The following TPR variants were observed in gnomAD, a reference collection of about 807,000 sequenced individuals.
TPR encodes translocated promoter region, nuclear basket protein.
TPR carries 51 observed loss-of-function variants against 316.1 expected under a neutral mutation model. The ratio of observed to expected loss-of-function variants is 0.16; its 90% CI spans 0.13 to 0.20. The LOEUF is 0.20. Among genes scored for constraint, TPR ranks in the 10% least tolerant of loss-of-function variants. The probability of loss-of-function intolerance (pLI) is 1.00; values close to 1 mark genes in which losing one functional copy is unlikely to be tolerated. For synonymous variants in TPR, 981 were observed against 914.7 expected (o/e 1.07, Z -1.31); for missense variants, 2,272 against 2,754.8 (o/e 0.82, Z 3.92).
chr1:186,364,911 TATG>T (rs1230833439), intron 4 of TPR, among the ~76,000 whole-genome samples: 9 of 152,088 alleles, frequency 5.9e-5, no homozygotes, highest in Non-Finnish European at 1.0e-4. Flanking sequence ...CAGTCAGGTT[TATG>T]ATAAGGACTG....
chr1:186,312,259 A>T lies in TPR; in HGVS notation c.*1712T>A, dbSNP rs1413833151. 3 of 1,613,936 alleles carry T rather than the reference A, an allele frequency of 1.9e-6. No homozygotes were observed. The African/African-American group carries it at 4.0e-5, about 22-fold the overall frequency. Reference sequence around the variant, plus strand: ...AGGCCTGCTCTAAATTATCCAGTGTATGGAGAAACGACACAGGTTAGGAGA... The same window carrying T: ...AGGCCTGCTCTAAATTATCCAGTGTTTGGAGAAACGACACAGGTTAGGAGA... On this transcript the variant is annotated 3_prime_UTR_variant, in exon 51 of 51. Transcript: ENST00000367478.
At chr1:186,326,566 T>A (rs1049587641) in intron 40 of TPR, among the ~76,000 whole-genome samples, 1 of 152,086 alleles carries the variant, frequency 6.6e-6, no homozygotes, top group Non-Finnish European at 1.5e-5. Flanking sequence ...AAAATTACAC[T>A]ATATCAGGAG....
In TPR at chr1:186,355,650, C is replaced by T; in HGVS notation, c.2007G>A (p.Lys669=). 14 of 1,614,102 alleles carry T rather than the reference C, an allele frequency of 8.7e-6. No individual in the cohort carries two copies. Among genetic ancestry groups the T allele is most frequent in the Non-Finnish European group, 1.2e-5 (14 of 1,180,006 alleles). The part of the protein sequence containing the change: ...VIESTEAIEA[K]AALKQLQEIF... ...TGATCTTTACCTGTTTAAGGGCAGCCTTAGCCTCTATAGCCTCTGTTGATT... is the reference window on the plus strand; with the variant it reads ...TGATCTTTACCTGTTTAAGGGCAGCTTTAGCCTCTATAGCCTCTGTTGATT... The change falls in exon 16 of 51, where the codon AAG becomes AAA. Residue 669 remains lysine, a synonymous_variant. Coordinates refer to ENST00000367478, the MANE Select transcript of TPR (RefSeq NM_003292.3).
Position 186,349,728 on chromosome 1 carries a change from G to A in TPR, c.2776+495C>T, listed in dbSNP as rs10911851. On this transcript the variant is annotated intron_variant, in intron 21 of 50. Coordinates refer to ENST00000367478, the MANE Select transcript of TPR (RefSeq NM_003292.3). Reference sequence around the variant, plus strand: ...AAGATTATCAAGACACAAAGGCTTCGAACTTGAAAGATGTATTTAAAAAGG... The same window carrying A: ...AAGATTATCAAGACACAAAGGCTTCAAACTTGAAAGATGTATTTAAAAAGG... Among the ~76,000 whole-genome samples, 46 of 151,704 alleles carry A rather than the reference G, an allele frequency of 3.0e-4. No homozygotes were observed. The East Asian group carries it at 4.2e-3, about 14-fold the overall frequency.
intron 3 of TPR, among the ~76,000 whole-genome samples, chr1:186,370,513 C>G (rs888138764): frequency 7.9e-5 from 12 of 151,968 alleles, no homozygotes; most frequent in East Asian, 3.9e-4. Context: ...AAGAAATTAT[C>G]TTTTAACACC....
intron 21 of TPR, among the ~76,000 whole-genome samples, chr1:186,349,422 G>A (rs752812749): frequency 1.3e-5 from 2 of 152,012 alleles, no homozygotes; most frequent in South Asian, 2.1e-4. Context: ...GGGAGGCCGC[G>A]GCGGGCAGAG....
rs1659508688 is a variant in TPR, at chr1:186,371,031, T to C, written c.269A>G (p.Lys90Arg). The C allele has an allele frequency of 6.2e-7, 1 of 1,612,878 alleles. No individual in the cohort carries two copies. The highest frequency in any genetic ancestry group is 1.3e-5 in the African/African-American group (1 of 75,030). ...LELEKLNNQL[K>R]ALTEKNKELE... The stretch of plus-strand genomic sequence containing the variant: ...TTCTTTGTTTTTCTCAGTTAGTGCC[T>C]TCAGTTGATTGTCTGGATAAAAGGA... The change falls in exon 3 of 51, where the codon AAG becomes AGG. Residue 90 changes from lysine to arginine, a missense_variant. Lys to Arg is a conservative substitution (Grantham distance 26, BLOSUM62 2). Around this residue, in one of 10 missense-constraint regions of TPR, gnomAD observed 549 missense variants for 598.6 expected, o/e 0.92. Coordinates refer to ENST00000367478, the MANE Select transcript of TPR (RefSeq NM_003292.3).
intron 21 of TPR, among the ~76,000 whole-genome samples, chr1:186,347,990 C>T (rs1658732628): frequency 6.6e-6 from 1 of 152,086 alleles, no homozygotes; most frequent in South Asian, 2.1e-4. Flanking sequence ...GCTAACTGTA[C>T]AAATTGGTTG....
chr1:186,341,515 A>C (rs957932929), intron 27 of TPR, 126 bp from the exon 28 acceptor site: 8 of 1,077,980 alleles, frequency 7.4e-6, no homozygotes, highest in Non-Finnish European at 1.0e-5. Flanking sequence ...TTAGAACTAA[A>C]ATTTTTGAAA....
rs185357076 is a variant in TPR at position 186,343,488 on chromosome 1, A to G, written c.3603-15T>C. 322 of 1,594,798 alleles carry G rather than the reference A, an allele frequency of 2.0e-4. 1 individual carries two copies. The South Asian group carries it at 2.3e-3, about 11-fold the overall frequency. On this transcript the variant is annotated splice_polypyrimidine_tract_variant and intron_variant, in intron 26 of 50. Transcript: ENST00000367478. The stretch of plus-strand genomic sequence containing the variant: ...GTCGTATAAATCTACAAAAATACAG[A>G]TATTAAAATTTTATGTGAATTTTAA...
At chr1:186,336,271 C>T (rs1658338216) in intron 33 of TPR, among the ~76,000 whole-genome samples, 1 of 152,132 alleles carries the variant, frequency 6.6e-6, no homozygotes, top group African/African-American at 2.4e-5. Context: ...TATCTACTGC[C>T]AGCCAACAAT....
In TPR at chr1:186,345,621, A is replaced by G. The variant is rs751383048; in HGVS notation, c.3172T>C (p.Leu1058=). The G allele has an allele frequency of 2.0e-5, 32 of 1,613,462 alleles. No homozygotes were observed. The highest frequency in any genetic ancestry group is 2.7e-5 in the Non-Finnish European group (32 of 1,179,788). ...CGTCTGGCTTGCTGCTCATTACTTA[A>G]AGCTGTGCTTGCTCTCTGAAGAGCT... ...QEALQRASTA[L]SNEQQARRDC... Residue 1058 remains leucine, a synonymous_variant, in exon 24 of 51, where the codon TTA becomes CTA. Coordinates refer to ENST00000367478, the MANE Select transcript of TPR (RefSeq NM_003292.3).
chr1:186,332,992 T>C lies in TPR; in HGVS notation c.5455+130A>G, dbSNP rs187912791. The C allele has an allele frequency of 1.4e-4, 158 of 1,100,582 alleles. 3 individuals carry two copies. In the East Asian group the frequency reaches 1.8e-3, roughly 12 times the overall value. 68.2% of individuals were successfully genotyped at this position (1,100,582 alleles called of 1,614,324 possible). A position where few individuals can be genotyped will look rare whatever the true frequency, so the allele number is the denominator to read the frequency against. ...CTTGTGATACGTATTATATCCAAGATATTATAATTGCGTAGGTCTATTCTA... is the reference window on the plus strand; with the variant it reads ...CTTGTGATACGTATTATATCCAAGACATTATAATTGCGTAGGTCTATTCTA... On this transcript the variant is annotated intron_variant, in intron 37 of 50. Transcript: ENST00000367478.
chr1:186,317,543 T>C lies in TPR; in HGVS notation c.6879A>G (p.Gln2293=). 2 of 1,614,168 alleles carry C rather than the reference T, an allele frequency of 1.2e-6. No individual in the cohort carries two copies. The highest frequency in any genetic ancestry group is 1.7e-6 in the Non-Finnish European group (2 of 1,180,024). ...IDSQQEEEPV[Q]ASDESDLPST... ...AGGGGAGATCTGACTCATCAGATGCTTGAACCGGCTCTTCTTCCTGCTGGC... is the reference window on the plus strand; with the variant it reads ...AGGGGAGATCTGACTCATCAGATGCCTGAACCGGCTCTTCTTCCTGCTGGC... Residue 2293 remains glutamine, a synonymous_variant, in exon 49 of 51, where the codon CAA becomes CAG. Transcript: ENST00000367478.
At chr1:186,325,683 T>G in intron 42 of TPR, 81 bp downstream of exon 42, 1 of 1,103,172 alleles carries the variant, frequency 9.1e-7, no homozygotes, top group Non-Finnish European at 1.3e-6. Flanking sequence ...ATAAATAAAT[T>G]TATATATTAG....
intron 3 of TPR, among the ~76,000 whole-genome samples, chr1:186,370,005 C>T (rs1221313102): frequency 2.6e-5 from 4 of 152,196 alleles, no homozygotes; most frequent in South Asian, 4.1e-4. Context: ...GACAGCTCTG[C>T]TTCTTTCCAA....
rs747131609 is a variant in TPR at position 186,344,037 on chromosome 1, T to C, written c.3471A>G (p.Arg1157=). The C allele has an allele frequency of 6.2e-7, 1 of 1,614,148 alleles. No homozygotes were observed. Among genetic ancestry groups the C allele is most frequent in the South Asian group, 1.1e-5 (1 of 91,074 alleles). Residue 1157 remains arginine (R), a synonymous_variant, in exon 26 of 51, where the codon AGA becomes AGG. Transcript: ENST00000367478. The part of the protein sequence containing the change: ...CRCEDLEKQN[R]LLHDQIEKLS... The stretch of plus-strand genomic sequence containing the variant: ...ATTTTTCGATCTGATCATGAAGTAA[T>C]CTGTTTTGTTTCTCCAGATCTTCAC...
intron 1 of TPR, 110 bp downstream of exon 1, chr1:186,374,768 G>T (rs747765003): frequency 1.3e-4 from 151 of 1,173,086 alleles, no homozygotes; most frequent in Non-Finnish European, 1.7e-4. Flanking sequence ...ACAGAGCCCA[G>T]GAAGTGAGGT....
Position 186,312,722 on chromosome 1 carries a change from A to G in TPR, c.*1249T>C. ...GATGTCTGGCTCTTTCCAAGATAGT[A>G]CATTGCCTTTTAATCTGGTATCTTT... On this transcript the variant is annotated 3_prime_UTR_variant, in exon 51 of 51. Transcript: ENST00000367478. 1 of 1,591,246 alleles carries G rather than the reference A, an allele frequency of 6.3e-7. No homozygotes were observed. Among genetic ancestry groups the G allele is most frequent in the Non-Finnish European group, 8.6e-7 (1 of 1,159,672 alleles).
Sources: gnomAD v4.1 joint callset for allele counts (sites outside exome capture counted in the v4.1 genomes callset) on GRCh38, gnomAD v4.1.1 for gene constraint, gnomAD v4.1.1 regional missense constraint, MANE v1.5 for transcripts, NCBI Gene and HGNC (gene_info 2026-07-23, HGNC 2026-07-21) for gene names.